Variants in SH3BGRL2 observed in about 807,000 individuals in gnomAD.
The protein encoded by SH3BGRL2 is SH3 domain-binding glutamic acid-rich-like protein 2.
SH3BGRL2 carries 21 observed loss-of-function variants against 14.8 expected under a neutral mutation model. The observed-to-expected ratio is 1.42, with a 90% confidence interval of 1.01 to 2.05. SH3BGRL2 has a LOEUF of 2.05. Ranked by LOEUF, SH3BGRL2 falls within the 30% of genes most tolerant of loss-of-function variation. The pLI, the probability that SH3BGRL2 is intolerant of heterozygous loss-of-function variation, is 0.00. For missense variants in SH3BGRL2, 147 were observed against 130.8 expected, an observed-to-expected ratio of 1.12 and a Z score of -0.61; for synonymous variants, 50 against 47.8, an observed-to-expected ratio of 1.05 and a Z score of -0.19.
At chr6:79,543,800 A>T in the SH3BGRL2 span, among the ~76,000 whole-genome samples, 5 of 152,248 alleles carry the variant, frequency 3.3e-5, no homozygotes, top group African/African-American at 1.2e-4. Context: ...TCATAGAATC[A>T]TCAGTTATTT....
the SH3BGRL2 span, among the ~76,000 whole-genome samples, chr6:79,609,979 T>A: frequency 2.0e-5 from 3 of 152,196 alleles, no homozygotes; most frequent in Middle Eastern, 6.3e-3. Context: ...AATTGAAAAA[T>A]TTTAGAAATA....
At chr6:79,610,653 A>G in the SH3BGRL2 span, among the ~76,000 whole-genome samples, 8 of 152,348 alleles carry the variant, frequency 5.3e-5, no homozygotes, top group Non-Finnish European at 7.3e-5. Flanking sequence ...AGTCACTCCA[A>G]AAGTAATTCA....
chr6:79,645,236 A>G (rs1233354133), intron 1 of SH3BGRL2, among the ~76,000 whole-genome samples: 1 of 151,976 alleles, frequency 6.6e-6, no homozygotes, highest in Non-Finnish European at 1.5e-5. Context: ...TATTAAGGTT[A>G]GTGTAGGCTG....
At position 79,657,487 on chromosome 6, in the gene SH3BGRL2, A is replaced by G. The variant is rs185217817; in HGVS notation, c.46-16127A>G. 1.1e-4 allele frequency among the ~76,000 whole-genome samples: 16 copies of G among 152,352 alleles called. No individual in the cohort carries two copies. In the East Asian group the frequency reaches 2.5e-3, roughly 24 times the overall value. On this transcript the variant is annotated intron_variant, in intron 1 of 3. Transcript: ENST00000369838. ...GGTGGTGGAGGAGTTGTAGGGAGAA[A>G]GGGCTGTGGAAGACGCTGATTTTAG... is the stretch of plus-strand genomic sequence containing the variant.
Position 79,703,463 on chromosome 6 carries a change from C to G in SH3BGRL2, c.*3954C>G. On this transcript the variant is annotated 3_prime_UTR_variant, in exon 4 of 4. Coordinates refer to ENST00000369838, the MANE Select transcript of SH3BGRL2 (RefSeq NM_031469.4). ...GTAATAATAATGACAATAAACAAAC[C>G]CCTGTGTGCCTACCACCCACCTTAT... The G allele has an allele frequency of 6.6e-6, 1 of 151,594 alleles. No homozygotes were observed. The highest frequency in any genetic ancestry group is 1.9e-4 in the East Asian group (1 of 5,158). 9.4% of individuals were successfully genotyped at this position (151,594 alleles called of 1,614,324 possible).
At chr6:79,625,247 T>TACAC in the SH3BGRL2 span, among the ~76,000 whole-genome samples, 73 of 150,386 alleles carry the variant, frequency 4.9e-4, no homozygotes, top group East Asian at 8.8e-3. Context: ...CATATATATA[T>TACAC]ACACACACAC....
chr6:79,607,564 A>G, the SH3BGRL2 span, among the ~76,000 whole-genome samples: 86 of 152,116 alleles, frequency 5.7e-4, 2 homozygotes, highest in East Asian at 0.014. Flanking sequence ...TCCTAATCCT[A>G]TGGGGACTGC....
chr6:79,584,218 T>C, the SH3BGRL2 span, among the ~76,000 whole-genome samples: 1 of 152,164 alleles, frequency 6.6e-6, no homozygotes, highest in Non-Finnish European at 1.5e-5. Context: ...TATGACTTTT[T>C]AAAATATTGC....
At chr6:79,566,592 A>G in the SH3BGRL2 span, among the ~76,000 whole-genome samples, 1 of 152,204 alleles carries the variant, frequency 6.6e-6, no homozygotes, top group Non-Finnish European at 1.5e-5. Context: ...GATAAATTAT[A>G]AAATCTTTGG....
Position 79,699,633 on chromosome 6 carries a change from C to T in SH3BGRL2, c.*124C>T, listed in dbSNP as rs943259724. The T allele has an allele frequency of 3.1e-6, 4 of 1,283,230 alleles. No homozygotes were observed. The highest frequency in any genetic ancestry group is 2.0e-4 in the Middle Eastern group (1 of 4,946). The allele number at this position is 1,283,230 out of a possible 1,614,324, so 79.5% of individuals were successfully genotyped here. On this transcript the variant is annotated 3_prime_UTR_variant, in exon 4 of 4. Transcript: ENST00000369838. ...GCATTATCAGTAACTTTGCTTGCCACGGAAAAGGTGTTTTTGAAAGATGTG... is the reference window on the plus strand; with the variant it reads ...GCATTATCAGTAACTTTGCTTGCCATGGAAAAGGTGTTTTTGAAAGATGTG...
At chr6:79,556,798 G>A in the SH3BGRL2 span, among the ~76,000 whole-genome samples, 16 of 151,872 alleles carry the variant, frequency 1.1e-4, no homozygotes, top group African/African-American at 2.9e-4. Context: ...AAATAATAAC[G>A]TTTGTAAAAT....
chr6:79,538,967 G>T, the SH3BGRL2 span, among the ~76,000 whole-genome samples: 1 of 152,128 alleles, frequency 6.6e-6, no homozygotes, highest in Non-Finnish European at 1.5e-5. Flanking sequence ...TCCAAATTTC[G>T]TGGTTTCGGA....
chr6:79,561,661 G>A, the SH3BGRL2 span: 1 of 152,164 alleles, frequency 6.6e-6, no homozygotes, highest in East Asian at 1.9e-4. Context: ...CATTTGAGAT[G>A]ACCGCCACTG....
At chr6:79,573,822 T>A in the SH3BGRL2 span, 1 of 152,246 alleles carries the variant, frequency 6.6e-6, no homozygotes, top group Non-Finnish European at 1.5e-5. Flanking sequence ...AATGTATTAC[T>A]ATGTTTAACA....
the SH3BGRL2 span, among the ~76,000 whole-genome samples, chr6:79,558,418 T>C: frequency 6.6e-6 from 1 of 152,206 alleles, no homozygotes; most frequent in African/African-American, 2.4e-5. Flanking sequence ...CATATAAATA[T>C]AATTTTTAAC....
chr6:79,699,463 CTTTTTTTTTTTT>C (rs35728679), intron 3 of SH3BGRL2, 23 bp from the exon 4 acceptor site: 36 of 880,950 alleles, frequency 4.1e-5, no homozygotes, highest in African/African-American at 1.3e-4. Context: ...CAATAACTGA[CTTTTTTTTTTTT>C]TTTTTTTTTT....
chr6:79,537,670 C>T, the SH3BGRL2 span, among the ~76,000 whole-genome samples: 2 of 152,210 alleles, frequency 1.3e-5, no homozygotes, highest in East Asian at 3.9e-4. Flanking sequence ...GGCTCGACTG[C>T]TGAGCGTCGT....
the SH3BGRL2 span, among the ~76,000 whole-genome samples, chr6:79,598,768 A>T: frequency 6.6e-6 from 1 of 152,164 alleles, no homozygotes; most frequent in African/African-American, 2.4e-5. Context: ...TAATGAAGTT[A>T]TAAAAAATAA....
At chr6:79,647,017 G>T (rs747439381) in intron 1 of SH3BGRL2, among the ~76,000 whole-genome samples, 1 of 152,146 alleles carries the variant, frequency 6.6e-6, no homozygotes, top group Non-Finnish European at 1.5e-5. Flanking sequence ...ATAAGTTTTC[G>T]TATGAACGTA....
Sources: allele counts gnomAD v4.1 joint callset (sites outside exome capture counted in the v4.1 genomes callset), GRCh38; gene constraint gnomAD v4.1.1; transcripts MANE v1.5; gene names NCBI Gene and HGNC (gene_info 2026-07-23, HGNC 2026-07-21).